The following STOX2 variants were observed in gnomAD, a reference collection of about 807,000 sequenced individuals.
STOX2 encodes storkhead box 2.
A neutral mutation model predicts 60.9 loss-of-function variants in STOX2; 28 were observed. The observed-to-expected ratio is 0.46, with a 90% confidence interval of 0.34 to 0.63. STOX2 has a LOEUF of 0.63. Ranked by LOEUF, STOX2 falls within the 30% of genes least tolerant of loss-of-function variation. The pLI, the probability that STOX2 is intolerant of heterozygous loss-of-function variation, is 0.01. For synonymous variants in STOX2, 472 were observed against 463.9 expected, an observed-to-expected ratio of 1.02 and a Z score of -0.22; for missense variants, 1,024 against 1,187.7, an observed-to-expected ratio of 0.86 and a Z score of 2.03.
rs576721805 is a variant in STOX2 at position 183,993,749 on chromosome 4, A to C, written c.167-7576A>C. On this transcript the variant is annotated intron_variant, in intron 1 of 3. Coordinates refer to ENST00000308497, the MANE Select transcript of STOX2 (RefSeq NM_020225.3). ...AACAAACCTACAGTAAACTAGTAAA[A>C]GTGCCTTTTCATTGCCAGTTTTCTT... Among the ~76,000 whole-genome samples, 11 of 152,374 alleles carry C rather than the reference A, an allele frequency of 7.2e-5. No individual in the cohort carries two copies. In the East Asian group the frequency reaches 2.1e-3, roughly 29 times the overall value.
chr4:183,995,111 A>G (rs1312092356), intron 1 of STOX2, among the ~76,000 whole-genome samples: 1 of 152,074 alleles, frequency 6.6e-6, no homozygotes, highest in East Asian at 1.9e-4. Context: ...TGTAGCAGGT[A>G]TCTTTTGGAA....
intron 1 of STOX2, among the ~76,000 whole-genome samples, chr4:183,823,070 G>A (rs112447979): frequency 7.2e-5 from 11 of 152,254 alleles, no homozygotes; most frequent in East Asian, 1.9e-4. Context: ...AAATGTAACC[G>A]CAATGATCTA....
At chr4:183,968,714 G>A (rs558858665) in intron 1 of STOX2, among the ~76,000 whole-genome samples, 1 of 148,874 alleles carries the variant, frequency 6.7e-6, no homozygotes, top group South Asian at 2.2e-4. Context: ...TGTTGCCAGG[G>A]GATGTTTTTT....
intron 1 of STOX2, among the ~76,000 whole-genome samples, chr4:183,840,356 CCTGTTCT>C (rs1259372447): frequency 6.6e-6 from 1 of 152,038 alleles, no homozygotes; most frequent in Non-Finnish European, 1.5e-5. Context: ...ACAGTCAATT[CCTGTTCT>C]CTGAAGGAGG....
chr4:183,968,655 C>T (rs73008328), intron 1 of STOX2, among the ~76,000 whole-genome samples: 3 of 152,024 alleles, frequency 2.0e-5, no homozygotes, highest in Non-Finnish European at 4.4e-5. Flanking sequence ...AAGACCAACC[C>T]TTTTTCCGGA....
chr4:183,994,261 C>T (rs115441356), intron 1 of STOX2, among the ~76,000 whole-genome samples: 2,352 of 152,240 alleles, frequency 0.015, 59 homozygotes, highest in African/African-American at 0.052. Context: ...TGAGGAATCA[C>T]GGTATCTACT....
At chr4:183,934,675 AAAC>A (rs889941279) in intron 1 of STOX2, among the ~76,000 whole-genome samples, 14 of 152,208 alleles carry the variant, frequency 9.2e-5, no homozygotes, top group East Asian at 7.7e-4. Context: ...TTTTTTTTTC[AAAC>A]AACAACAACA....
chr4:184,022,107 G>T lies in STOX2; in HGVS notation c.*4823G>T, dbSNP rs1314876701. 2 of 152,208 alleles carry T rather than the reference G, an allele frequency of 1.3e-5. No individual in the cohort carries two copies. The highest frequency in any genetic ancestry group is 4.8e-5 in the African/African-American group (2 of 41,440). 9.4% of individuals were successfully genotyped at this position (152,208 alleles called of 1,614,324 possible). A position where few individuals can be genotyped will look rare whatever the true frequency, so the allele number is the denominator to read the frequency against. On this transcript the variant is annotated 3_prime_UTR_variant, in exon 4 of 4. Transcript: ENST00000308497. The stretch of plus-strand genomic sequence containing the variant: ...GTTAGTAAAATGTGGGCAGGACAAA[G>T]ATTACTATTGGTCTGAGCTTTGCCA...
At chr4:183,829,546 C>T (rs1739517610) in intron 1 of STOX2, among the ~76,000 whole-genome samples, 1 of 152,164 alleles carries the variant, frequency 6.6e-6, no homozygotes. Flanking sequence ...GCACGTCTCC[C>T]TCATGTCTTT....
chr4:183,963,802 G>A (rs1437199418), intron 1 of STOX2, among the ~76,000 whole-genome samples: 28 of 147,980 alleles, frequency 1.9e-4, no homozygotes, highest in Non-Finnish European at 3.3e-4. Flanking sequence ...TTGAGACGGA[G>A]TCTCGCTCTG....
rs1305932313 is a variant in STOX2, at chr4:183,906,830, C to G, written c.40C>G (p.Pro14Ala). 1 of 1,557,576 alleles carries G rather than the reference C, an allele frequency of 6.4e-7. No homozygotes were observed. The highest frequency in any genetic ancestry group is 1.9e-5 in the Admixed American group (1 of 52,544). The change falls in exon 1 of 4, where the codon CCT (proline) becomes GCT (alanine). Residue 14 changes from proline (P) to alanine (A), a missense_variant. By Grantham distance (27) the Pro-to-Ala change is conservative (BLOSUM62 -1). This residue lies in a region of STOX2 where 98 missense variants were observed against 110.2 expected (regional missense o/e 0.89). Coordinates refer to ENST00000308497, the MANE Select transcript of STOX2 (RefSeq NM_020225.3). ...TRSTTLRRAW[P>A]SSDFSDRASD... ...GAGCACAACCTTGCGGCGAGCCTGG[C>G]CTAGCTCGGATTTCTCGGACCGGGC...
At chr4:183,812,568 A>G (rs1739059913) in intron 1 of STOX2, among the ~76,000 whole-genome samples, 1 of 152,252 alleles carries the variant, frequency 6.6e-6, no homozygotes, top group African/African-American at 2.4e-5. Context: ...AGTTGTTTCT[A>G]AAGAGCAGCT....
At chr4:183,940,450 T>C (rs986260127) in intron 1 of STOX2, among the ~76,000 whole-genome samples, 1 of 152,238 alleles carries the variant, frequency 6.6e-6, no homozygotes, top group African/African-American at 2.4e-5. Flanking sequence ...GTGTACATGC[T>C]GAAAACTGCA....
At chr4:183,899,036 T>A (rs1012279107) in intron 1 of STOX2, among the ~76,000 whole-genome samples, 2 of 152,220 alleles carry the variant, frequency 1.3e-5, no homozygotes, top group African/African-American at 2.4e-5. Flanking sequence ...GTTCTCTCAA[T>A]ATTTCAAACT....
Position 183,836,578 on chromosome 4 carries a change from C to T in STOX2, c.364+38523C>T, listed in dbSNP as rs1252730275. Among the ~76,000 whole-genome samples the T allele has an allele frequency of 2.6e-5, 4 of 152,206 alleles. No homozygotes were observed. The highest frequency in any genetic ancestry group is 7.2e-5 in the African/African-American group (3 of 41,448). ...GATGCCTCAGCCATTATCCAGACCCCATCACATGGCCCCATACAATGGGAA... is the reference window on the plus strand; with the variant it reads ...GATGCCTCAGCCATTATCCAGACCCTATCACATGGCCCCATACAATGGGAA... On this transcript the variant is annotated intron_variant, in intron 1 of 2. Coordinates refer to the STOX2 transcript ENST00000513034. This position sits in a 1 kb window ranked among gnomAD's most constrained non-coding sequence, Gnocchi z 4.1.
intron 1 of STOX2, chr4:183,987,770 C>T (rs1024879769): frequency 2.0e-5 from 3 of 152,200 alleles, no homozygotes; most frequent in African/African-American, 7.2e-5. Context: ...ACTTGCACGG[C>T]AACTGGAATT....
chr4:183,973,158 T>C (rs1420586408), intron 1 of STOX2, among the ~76,000 whole-genome samples: 1 of 152,170 alleles, frequency 6.6e-6, no homozygotes, highest in East Asian at 1.9e-4. Context: ...TAAAAGAGTG[T>C]GATTTGAAGA....
chr4:183,970,431 A>G (rs962293032), intron 1 of STOX2, among the ~76,000 whole-genome samples: 2 of 152,064 alleles, frequency 1.3e-5, no homozygotes, highest in African/African-American at 4.8e-5. Context: ...AGGGAGTCCC[A>G]CTATGCCAAG....
At chr4:183,958,246 G>A (rs552625406) in intron 1 of STOX2, among the ~76,000 whole-genome samples, 9 of 152,270 alleles carry the variant, frequency 5.9e-5, no homozygotes, top group East Asian at 1.9e-4. Flanking sequence ...CTGGGGTGGC[G>A]TTGCCTCCTG....
Sources: allele counts gnomAD v4.1 joint callset (sites outside exome capture counted in the v4.1 genomes callset), GRCh38; gene constraint gnomAD v4.1.1; regional missense constraint gnomAD v4.1.1; non-coding constraint Gnocchi (gnomAD v3.1); transcripts MANE v1.5; gene names NCBI Gene and HGNC (gene_info 2026-07-23, HGNC 2026-07-21).